Variants in TEC observed in about 807,000 individuals in gnomAD.
TEC encodes the protein tyrosine-protein kinase Tec.
In TEC, 72 loss-of-function variants were observed where a neutral mutation model predicts 93.0. The observed-to-expected ratio is 0.77, with a 90% confidence interval of 0.64 to 0.94. The LOEUF (loss-of-function observed/expected upper bound fraction) is 0.94. Among genes scored for constraint, TEC ranks in the 40% least tolerant of loss-of-function variants. TEC has a pLI of 0.00. For synonymous variants in TEC, 249 were observed against 247.7 expected (o/e 1.01, Z -0.05); for missense variants, 630 against 757.9 (o/e 0.83, Z 1.98).
In TEC at chr4:48,150,916, C is replaced by T; in HGVS notation, c.819G>A (p.Arg273=). The change falls in exon 10 of 18, where the codon AGG becomes AGA. Residue 273 remains arginine (R), a synonymous_variant. Coordinates refer to ENST00000381501, the MANE Select transcript of TEC (RefSeq NM_003215.3). ...SEDKEGGFMV[R]DSSQPGLYTV... ...TGTACAAGCCTGGTTGACTGGAATC[C>T]CTTACCATAAAACCACCTTCTTTAT... 1 of 1,587,710 alleles carries T rather than the reference C, an allele frequency of 6.3e-7. No homozygotes were observed.
intron 1 of TEC, among the ~76,000 whole-genome samples, chr4:48,254,333 A>G (rs1724285334): frequency 6.6e-6 from 1 of 152,204 alleles, no homozygotes; most frequent in Non-Finnish European, 1.5e-5. Context: ...GCAGGAAGGC[A>G]GAAAAGTGAT....
intron 15 of TEC, among the ~76,000 whole-genome samples, chr4:48,140,702 T>A (rs972359967): frequency 6.6e-6 from 1 of 152,252 alleles, no homozygotes; most frequent in Non-Finnish European, 1.5e-5. Flanking sequence ...TCAGATTTTT[T>A]TTTACATGTC....
chr4:48,159,652 G>A (rs187724686), intron 8 of TEC, among the ~76,000 whole-genome samples: 6 of 151,656 alleles, frequency 4.0e-5, no homozygotes, highest in Admixed American at 6.6e-5. Context: ...GGGTTCAAGC[G>A]ATTCTCCTGC....
intron 2 of TEC, among the ~76,000 whole-genome samples, chr4:48,202,595 T>C (rs1349738373): frequency 1.3e-5 from 2 of 152,104 alleles, no homozygotes; most frequent in Non-Finnish European, 2.9e-5. Context: ...TTAACAACAA[T>C]GGCAATATTA....
chr4:48,186,276 C>T (rs1721839040), intron 2 of TEC, among the ~76,000 whole-genome samples: 1 of 151,980 alleles, frequency 6.6e-6, no homozygotes, highest in Admixed American at 6.5e-5. Flanking sequence ...GCCTGGCCGC[C>T]ACCCCGTCTG....
chr4:48,247,726 G>A (rs1455550092), intron 1 of TEC, among the ~76,000 whole-genome samples: 3 of 152,190 alleles, frequency 2.0e-5, no homozygotes, highest in Non-Finnish European at 4.4e-5. Flanking sequence ...TTACTGATAT[G>A]GAGGTGTGGG....
At chr4:48,265,854 G>GA (rs1413618656) in intron 1 of TEC, among the ~76,000 whole-genome samples, 1 of 152,116 alleles carries the variant, frequency 6.6e-6, no homozygotes. Context: ...ACTGAAGAAT[G>GA]AAAGTTTCCA....
chr4:48,227,894 C>T (rs945423260), intron 2 of TEC, among the ~76,000 whole-genome samples: 2 of 152,128 alleles, frequency 1.3e-5, no homozygotes, highest in African/African-American at 4.8e-5. Flanking sequence ...TAAAGCCACC[C>T]ACAAGCCAGG....
At chr4:48,262,868 G>GT (rs1284386457) in intron 1 of TEC, among the ~76,000 whole-genome samples, 1 of 152,180 alleles carries the variant, frequency 6.6e-6, no homozygotes, top group Non-Finnish European at 1.5e-5. Context: ...CAGCACTCCT[G>GT]TTTTCTGTAT....
At chr4:48,151,546 G>A (rs1215875236) in intron 9 of TEC, among the ~76,000 whole-genome samples, 1 of 152,122 alleles carries the variant, frequency 6.6e-6, no homozygotes, top group Non-Finnish European at 1.5e-5. Flanking sequence ...GAGTGCAGTG[G>A]TGCGATCTCA....
In TEC at chr4:48,228,715, G is replaced by C. The variant is rs1326222742; in HGVS notation, c.-45-56C>G. 3 of 1,445,630 alleles carry C rather than the reference G, an allele frequency of 2.1e-6. No homozygotes were observed. The Admixed American group carries it at 7.0e-5, about 34-fold the overall frequency. The allele number at this position is 1,445,630 out of a possible 1,614,324, so 89.6% of individuals were successfully genotyped here. Reference sequence around the variant, plus strand: ...GACAGTTTAATTTTCTATGGATGTTGCCATTTCCAATTACCAAAATCAGCT... The same window carrying C: ...GACAGTTTAATTTTCTATGGATGTTCCCATTTCCAATTACCAAAATCAGCT... On this transcript the variant is annotated intron_variant, in intron 1 of 17. Coordinates refer to ENST00000381501, the MANE Select transcript of TEC (RefSeq NM_003215.3).
At chr4:48,153,816 C>T (rs759566952) in intron 9 of TEC, among the ~76,000 whole-genome samples, 39 of 152,172 alleles carry the variant, frequency 2.6e-4, no homozygotes, top group Non-Finnish European at 3.5e-4. Context: ...CCTGCAGCAA[C>T]GCCTTCATAA....
intron 2 of TEC, among the ~76,000 whole-genome samples, chr4:48,226,613 T>C (rs538788471): frequency 1.4e-5 from 2 of 147,358 alleles, no homozygotes; most frequent in Admixed American, 6.7e-5. Context: ...GAATACAGTA[T>C]GTTATATATA....
intron 1 of TEC, among the ~76,000 whole-genome samples, chr4:48,253,159 C>T (rs967596384): frequency 6.6e-6 from 1 of 152,156 alleles, no homozygotes; most frequent in African/African-American, 2.4e-5. Flanking sequence ...GTCATTTTTA[C>T]TATCATGAAA....
chr4:48,240,679 A>C (rs530842309), intron 1 of TEC, among the ~76,000 whole-genome samples: 2 of 152,138 alleles, frequency 1.3e-5, no homozygotes, highest in Non-Finnish European at 2.9e-5. Context: ...TCAAGTCTAC[A>C]TCATGATAAA....
intron 9 of TEC, among the ~76,000 whole-genome samples, chr4:48,154,036 G>T (rs1720292177): frequency 6.6e-6 from 1 of 152,156 alleles, no homozygotes; most frequent in African/African-American, 2.4e-5. Context: ...TTACTTTCAG[G>T]ATGAAAAATA....
intron 2 of TEC, among the ~76,000 whole-genome samples, chr4:48,177,149 C>T (rs1322157665): frequency 1.3e-5 from 2 of 152,182 alleles, no homozygotes; most frequent in East Asian, 1.9e-4. Context: ...TTATCCCACA[C>T]TTGGGAATTT....
intron 2 of TEC, among the ~76,000 whole-genome samples, chr4:48,205,299 C>T (rs1257123051): frequency 6.6e-6 from 1 of 152,216 alleles, no homozygotes; most frequent in Non-Finnish European, 1.5e-5. Flanking sequence ...CTTCCACTCA[C>T]TGGTGTGCTG....
chr4:48,149,858 A>T (rs930960888), intron 10 of TEC, among the ~76,000 whole-genome samples, 168 bp from the exon 11 acceptor site: 1 of 152,204 alleles, frequency 6.6e-6, no homozygotes, highest in African/African-American at 2.4e-5. Context: ...TCATATTAGC[A>T]TGTCAAAGTT....
Sources: allele counts gnomAD v4.1 joint callset (sites outside exome capture counted in the v4.1 genomes callset), GRCh38; gene constraint gnomAD v4.1.1; transcripts MANE v1.5; gene names NCBI Gene and HGNC (gene_info 2026-07-23, HGNC 2026-07-21).